The following ENO2 variants were observed in gnomAD, a reference collection of about 807,000 sequenced individuals.
ENO2 encodes gamma-enolase.
In ENO2, 19 loss-of-function variants were observed where a neutral mutation model predicts 48.7. That is an observed-to-expected ratio of 0.39 (90% confidence interval 0.27 to 0.57). The LOEUF (loss-of-function observed/expected upper bound fraction) is 0.57, where lower values mean the gene tolerates loss of function less well. Among genes scored for constraint, ENO2 ranks in the 20% least tolerant of loss-of-function variants. The probability of loss-of-function intolerance (pLI) is 0.58; values close to 1 mark genes in which losing one functional copy is unlikely to be tolerated. For missense variants in ENO2, 416 were observed against 555.0 expected (o/e 0.75, Z 2.52); for synonymous variants, 198 against 213.4 (o/e 0.93, Z 0.63).
intron 7 of ENO2, among the ~76,000 whole-genome samples, chr12:6,918,586 G>T (rs182500324): frequency 3.6e-4 from 54 of 151,142 alleles, no homozygotes; most frequent in Middle Eastern, 3.4e-3. Context: ...TGATCGGCCC[G>T]CCTCGGCCTC....
intron 7 of ENO2, among the ~76,000 whole-genome samples, chr12:6,919,280 CAG>C (rs1399079459): frequency 2.6e-5 from 4 of 152,184 alleles, no homozygotes; most frequent in African/African-American, 7.2e-5. Flanking sequence ...GAAATAATAA[CAG>C]AATCTAGCTC....
rs1269118835 is a variant in ENO2 at position 6,919,627 on chromosome 12, C to T, written c.729C>T (p.Gly243=). The T allele has an allele frequency of 6.2e-7, 1 of 1,614,150 alleles. No individual in the cohort carries two copies. Among genetic ancestry groups the T allele is most frequent in the Non-Finnish European group, 8.5e-7 (1 of 1,180,030 alleles). ...KAGYTEKIVI[G]MDVAASEFYR... Reference sequence around the variant, plus strand: ...GCTACACGGAAAAGATCGTTATTGGCATGGATGTTGCTGCCTCAGAGTTTT... The same window carrying T: ...GCTACACGGAAAAGATCGTTATTGGTATGGATGTTGCTGCCTCAGAGTTTT... The change falls in exon 8 of 12, where the codon GGC becomes GGT. Residue 243 remains glycine, a synonymous_variant. Coordinates refer to ENST00000229277, the MANE Select transcript of ENO2 (RefSeq NM_001975.3).
In ENO2 at chr12:6,922,006, G is replaced by A. The variant is rs1472361897; in HGVS notation, c.1068-50G>A. ...CATAGACCAAGGTTGGGGCTGGGAA[G>A]AGAGTGCCCAGTGTGAGAGCTGGAG... On this transcript the variant is annotated intron_variant, in intron 9 of 11. Coordinates refer to ENST00000229277, the MANE Select transcript of ENO2 (RefSeq NM_001975.3). The surrounding 1 kb of genome is among the most constrained non-coding windows in gnomAD (Gnocchi z 5.3). 10 of 1,607,764 alleles carry A rather than the reference G, an allele frequency of 6.2e-6. No individual in the cohort carries two copies. Among genetic ancestry groups the A allele is most frequent in the Non-Finnish European group, 7.7e-6 (9 of 1,174,320 alleles).
Position 6,922,309 on chromosome 12 carries a change from A to T in ENO2, c.1177-35A>T, listed in dbSNP as rs775793476. 13 of 1,614,006 alleles carry T rather than the reference A, an allele frequency of 8.1e-6. No homozygotes were observed. In the South Asian group the frequency reaches 1.4e-4, roughly 18 times the overall value. On this transcript the variant is annotated intron_variant, in intron 10 of 11. Transcript: ENST00000229277. The surrounding 1 kb of genome is among the most constrained non-coding windows in gnomAD (Gnocchi z 5.3). ...AGTTTCCTTTCAGGGGTGAGAGGGCAGTCACTGAGCTGCAAATCCTTTGAA... is the reference window on the plus strand; with the variant it reads ...AGTTTCCTTTCAGGGGTGAGAGGGCTGTCACTGAGCTGCAAATCCTTTGAA...
Position 6,915,865 on chromosome 12 carries a change from C to T in ENO2, c.33C>T (p.Ile11=). 1 of 1,613,900 alleles carries T rather than the reference C, an allele frequency of 6.2e-7. No individual in the cohort carries two copies. Among genetic ancestry groups the T allele is most frequent in the Non-Finnish European group, 8.5e-7 (1 of 1,179,910 alleles). MSIEKIWARE[I]LDSRGNPTVE... ...TAGAGAAGATCTGGGCCCGGGAGAT[C>T]CTGGACTCCCGCGGGAACCCCACAG... The change falls in exon 2 of 12, where the codon ATC becomes ATT. Residue 11 remains isoleucine, a synonymous_variant. Coordinates refer to ENST00000229277, the MANE Select transcript of ENO2 (RefSeq NM_001975.3).
chr12:6,919,415 C>A, intron 7 of ENO2, 151 bp from the exon 8 acceptor site: 1 of 744,768 alleles, frequency 1.3e-6, no homozygotes, highest in Non-Finnish European at 2.2e-6. Context: ...ATGGCCTCTC[C>A]TCCCAGACCT....
chr12:6,922,611 C>A lies in ENO2; in HGVS notation c.1236-120C>A. 1 of 1,355,628 alleles carries A rather than the reference C, an allele frequency of 7.4e-7. No homozygotes were observed. The highest frequency in any genetic ancestry group is 1.0e-6 in the Non-Finnish European group (1 of 953,848). The allele number at this position is 1,355,628 out of a possible 1,614,324, so 84.0% of individuals were successfully genotyped here. On this transcript the variant is annotated intron_variant, in intron 11 of 11. Transcript: ENST00000229277. This position sits in a 1 kb window ranked among gnomAD's most constrained non-coding sequence, Gnocchi z 5.3. ...ATGGGAAAGCCAGGGAATGCTAAGC[C>A]TTGGGGCAGGACACAAAAGCAGGTG...
rs1160404956 is a variant in ENO2 at position 6,922,005 on chromosome 12, A to T, written c.1068-51A>T. 3 of 1,568,506 alleles carry T rather than the reference A, an allele frequency of 1.9e-6. No homozygotes were observed. Among genetic ancestry groups the T allele is most frequent in the African/African-American group, 1.4e-5 (1 of 74,060 alleles). The stretch of plus-strand genomic sequence containing the variant: ...ACATAGACCAAGGTTGGGGCTGGGA[A>T]GAGAGTGCCCAGTGTGAGAGCTGGA... On this transcript the variant is annotated intron_variant, in intron 9 of 11. Transcript: ENST00000229277. This position sits in a 1 kb window ranked among gnomAD's most constrained non-coding sequence, Gnocchi z 5.3.
Position 6,922,369 on chromosome 12 carries a change from C to T in ENO2, c.1202C>T (p.Ser401Phe), listed in dbSNP as rs782326396. The T allele has an allele frequency of 6.2e-7, 1 of 1,614,080 alleles. No homozygotes were observed. The highest frequency in any genetic ancestry group is 1.7e-5 in the Admixed American group (1 of 60,008). ...ATCAAGACTGGTGCCCCGTGCCGTT[C>T]TGAACGTCTGGCTAAATACAACCAG... ...GQIKTGAPCR[S>F]ERLAKYNQLM... The change falls in exon 11 of 12, where the codon TCT (serine) becomes TTT (phenylalanine). Residue 401 changes from serine to phenylalanine, a missense_variant. Coordinates refer to ENST00000229277, the MANE Select transcript of ENO2 (RefSeq NM_001975.3). The surrounding 1 kb of genome is among the most constrained non-coding windows in gnomAD (Gnocchi z 5.3).
At chr12:6,918,981 CAAAA>C (rs58247795) in intron 7 of ENO2, among the ~76,000 whole-genome samples, 2 of 75,872 alleles carry the variant, frequency 2.6e-5, no homozygotes, top group Non-Finnish European at 5.5e-5. Context: ...GACTCCGTCT[CAAAA>C]AAAAAAAAAA....
Position 6,921,614 on chromosome 12 carries a change from A to G in ENO2, c.899A>G (p.Asp300Gly), listed in dbSNP as rs781854637. The change falls in exon 9 of 12, where the codon GAT (aspartate) becomes GGT (glycine). Residue 300 changes from aspartate to glycine, a missense_variant. By Grantham distance (94) the Asp-to-Gly change is moderately conservative. Coordinates refer to ENST00000229277, the MANE Select transcript of ENO2 (RefSeq NM_001975.3). ...ATTGAGGACCCATTTGACCAGGATGATTGGGCTGCCTGGTCCAAGTTCACA... is the reference window on the plus strand; with the variant it reads ...ATTGAGGACCCATTTGACCAGGATGGTTGGGCTGCCTGGTCCAAGTTCACA... ...VSIEDPFDQD[D>G]WAAWSKFTAN... is the part of the protein sequence containing the mutation. 36 of 1,614,004 alleles carry G rather than the reference A, an allele frequency of 2.2e-5. No individual in the cohort carries two copies. The highest frequency in any genetic ancestry group is 3.0e-5 in the Non-Finnish European group (35 of 1,180,036).
chr12:6,917,230 TCAAAGCCAGAGCA>T, intron 5 of ENO2, 123 bp downstream of exon 5: 1 of 1,245,488 alleles, frequency 8.0e-7, no homozygotes, highest in Non-Finnish European at 1.1e-6. Context: ...CATTCTCCTC[TCAAAGCCAGAGCA>T]AGGGGAGATG....
At chr12:6,915,694 A>ACCCCCCCCCCCCCCCC in intron 1 of ENO2, 127 bp from the exon 2 acceptor site, 1 of 145,570 alleles carries the variant, frequency 6.9e-6, no homozygotes, top group Non-Finnish European at 1.4e-5. Context: ...GCGCCTCCCT[A>ACCCCCCCCCCCCCCCC]CCCACCCCCC....
At chr12:6,915,344 G>C (rs961258255) in intron 1 of ENO2, 4 of 176,902 alleles carry the variant, frequency 2.3e-5, no homozygotes, top group Non-Finnish European at 4.9e-5. Flanking sequence ...TTGGGGAAGG[G>C]GCAGTGTTCA....
intron 8 of ENO2, among the ~76,000 whole-genome samples, chr12:6,920,717 C>CTTTTT (rs781865832): frequency 1.1e-5 from 1 of 95,140 alleles, no homozygotes; most frequent in African/African-American, 4.3e-5. Context: ...TTTTAATTAA[C>CTTTTT]TTTTTTTTTT....
At chr12:6,919,023 G>A (rs1489367336) in intron 7 of ENO2, among the ~76,000 whole-genome samples, 2 of 70,166 alleles carry the variant, frequency 2.9e-5, no homozygotes, top group Non-Finnish European at 5.5e-5. Context: ...GGAGCCCTTG[G>A]GAATACTGGG....
intron 8 of ENO2, among the ~76,000 whole-genome samples, chr12:6,920,264 A>C (rs755807177): frequency 1.3e-5 from 2 of 150,708 alleles, no homozygotes; most frequent in Non-Finnish European, 2.9e-5. Context: ...AAATCAACAT[A>C]ATTGCAGAAT....
chr12:6,920,573 A>G (rs144403150), intron 8 of ENO2, among the ~76,000 whole-genome samples: 370 of 148,834 alleles, frequency 2.5e-3, no homozygotes, highest in African/African-American at 8.8e-3. Context: ...CTAATTTTGT[A>G]TTTTTAGTAG....
Position 6,922,660 on chromosome 12 carries a change from G to C in ENO2, c.1236-71G>C. On this transcript the variant is annotated intron_variant, in intron 11 of 11. Coordinates refer to ENST00000229277, the MANE Select transcript of ENO2 (RefSeq NM_001975.3). The surrounding 1 kb of genome is among the most constrained non-coding windows in gnomAD (Gnocchi z 5.3). The stretch of plus-strand genomic sequence containing the variant: ...TGGTGTGGGGGTGGTTGGAGTCTGG[G>C]GGACCCCTAGAGAGAGAAGCAGGAT... The C allele has an allele frequency of 6.3e-7, 1 of 1,582,604 alleles. No individual in the cohort carries two copies. Among genetic ancestry groups the C allele is most frequent in the Non-Finnish European group, 8.7e-7 (1 of 1,152,986 alleles).
Sources: allele counts gnomAD v4.1 joint callset (sites outside exome capture counted in the v4.1 genomes callset), GRCh38; gene constraint gnomAD v4.1.1; non-coding constraint Gnocchi (gnomAD v3.1); transcripts MANE v1.5; gene names NCBI Gene and HGNC (gene_info 2026-07-23, HGNC 2026-07-21).